Variants in GPD2 observed in about 807,000 individuals in gnomAD.
GPD2 encodes glycerol-3-phosphate dehydrogenase 2, also known as glycerol-3-phosphate dehydrogenase, mitochondrial.
In GPD2, 54 loss-of-function variants were observed where a neutral mutation model predicts 82.4. That is an observed-to-expected ratio of 0.66 (90% CI 0.53 to 0.82). The LOEUF (loss-of-function observed/expected upper bound fraction) is 0.82. Ranked by LOEUF, GPD2 falls within the 40% of genes least tolerant of loss-of-function variation. The probability of loss-of-function intolerance (pLI) is 0.00; values close to 1 mark genes in which losing one functional copy is unlikely to be tolerated. For missense variants in GPD2, 748 were observed against 896.2 expected (o/e 0.83, Z 2.11); for synonymous variants, 288 against 306.1 (o/e 0.94, Z 0.62).
chr2:156,451,219 C>T (rs1162648926), intron 1 of GPD2, among the ~76,000 whole-genome samples: 3 of 152,086 alleles, frequency 2.0e-5, no homozygotes, highest in Non-Finnish European at 4.4e-5. Flanking sequence ...AGAGGGGCTC[C>T]TCACCTCCCA....
intron 1 of GPD2, among the ~76,000 whole-genome samples, chr2:156,450,626 A>C (rs930000822): frequency 2.6e-5 from 4 of 151,200 alleles, no homozygotes. Flanking sequence ...AGTTTATTGG[A>C]TTAAATTGTG....
chr2:156,432,177 C>T (rs551534822), upstream of GPD2, among the ~76,000 whole-genome samples: 1 of 152,150 alleles, frequency 6.6e-6, no homozygotes, highest in African/African-American at 2.4e-5. Context: ...CATGAGCCAA[C>T]GTGCCCGGCC....
rs1481940167 is a variant in GPD2 at position 156,450,889 on chromosome 2, C to T, written c.-9+14376C>T. On this transcript the variant is annotated intron_variant, in intron 1 of 16. Coordinates refer to ENST00000438166, the MANE Select transcript of GPD2 (RefSeq NM_000408.5). ...TCTTAACGAGCATGCTGCCTTCAAG[C>T]ATCTGTTTAACAAAGCACATCTTGC... Among the ~76,000 whole-genome samples, 4 of 130,660 alleles carry T rather than the reference C, an allele frequency of 3.1e-5. No homozygotes were observed. The East Asian group carries it at 8.5e-4, about 28-fold the overall frequency. The allele number at this position is 130,660 out of a possible 152,430, so 85.7% of individuals were successfully genotyped here.
the GPD2 span, among the ~76,000 whole-genome samples, chr2:156,409,017 G>A: frequency 2.6e-5 from 4 of 152,106 alleles, no homozygotes; most frequent in South Asian, 6.2e-4. Flanking sequence ...AGAGAGACAC[G>A]CATACCATCT....
At chr2:156,495,940 C>T in intron 2 of GPD2, 104 bp from the exon 3 acceptor site, 1 of 842,168 alleles carries the variant, frequency 1.2e-6, no homozygotes, top group Non-Finnish European at 2.0e-6. Context: ...CTCTTTAGCT[C>T]TTATATTCCT....
chr2:156,573,671 G>A (rs919841193), intron 13 of GPD2, among the ~76,000 whole-genome samples: 11 of 152,244 alleles, frequency 7.2e-5, no homozygotes, highest in Admixed American at 5.9e-4. Flanking sequence ...ACAGATTTAT[G>A]TGCTCAGAAA....
Position 156,585,634 on chromosome 2 carries a change from TTGTC to T in GPD2, c.*2720_*2723del, listed in dbSNP as rs1449006488. 1 of 152,468 alleles carries T rather than the reference TTGTC, an allele frequency of 6.6e-6. No homozygotes were observed. The highest frequency in any genetic ancestry group is 2.4e-5 in the African/African-American group (1 of 41,426). The allele number at this position is 152,468 out of a possible 1,614,324, so 9.4% of individuals were successfully genotyped here. A position where few individuals can be genotyped will look rare whatever the true frequency, so the allele number is the denominator to read the frequency against. On this transcript the variant is annotated 3_prime_UTR_variant, in exon 17 of 17. Transcript: ENST00000438166. ...TCCTGCTTCAGTTTCTGGCTTTGCT[TTGTC>T]TGTTTCAAAATATGTAGCTTCCTCT...
intron 2 of GPD2, among the ~76,000 whole-genome samples, chr2:156,493,399 A>G (rs374685870): frequency 1.3e-5 from 2 of 152,108 alleles, no homozygotes; most frequent in South Asian, 4.1e-4. Context: ...GTCTATCGGG[A>G]ATTTTTAGGA....
intron 2 of GPD2, among the ~76,000 whole-genome samples, chr2:156,486,621 T>A (rs1558922598): frequency 6.6e-6 from 1 of 152,234 alleles, no homozygotes; most frequent in Non-Finnish European, 1.5e-5. Flanking sequence ...ATTATGTTTA[T>A]GCTAGGAAAG....
In GPD2 at chr2:156,489,247, T is replaced by G. The variant is rs540304589; in HGVS notation, c.103-6797T>G. Among the ~76,000 whole-genome samples, 6 of 152,350 alleles carry G rather than the reference T, an allele frequency of 3.9e-5. No individual in the cohort carries two copies. In the East Asian group the frequency reaches 1.2e-3, roughly 29 times the overall value. ...TCAGTTTTAGCAGATTTATCTCAGA[T>G]AGAAATTCTGATTTAGATGTGAAAT... On this transcript the variant is annotated intron_variant, in intron 2 of 16. Transcript: ENST00000438166.
intron 1 of GPD2, among the ~76,000 whole-genome samples, chr2:156,455,642 T>G (rs1361761867): frequency 6.6e-6 from 1 of 152,192 alleles, no homozygotes; most frequent in East Asian, 1.9e-4. Flanking sequence ...ATAATACACC[T>G]TCACTGTTAA....
At chr2:156,504,854 T>C (rs1036980257) in intron 3 of GPD2, among the ~76,000 whole-genome samples, 3 of 152,120 alleles carry the variant, frequency 2.0e-5, no homozygotes, top group African/African-American at 7.2e-5. Flanking sequence ...TTTACAAAAA[T>C]GTACATATGT....
At chr2:156,408,031 T>A in the GPD2 span, among the ~76,000 whole-genome samples, 1 of 146,952 alleles carries the variant, frequency 6.8e-6, no homozygotes, top group East Asian at 2.1e-4. Flanking sequence ...CACGGCTCAC[T>A]GTTGCCTTGA....
chr2:156,422,167 A>G, the GPD2 span, among the ~76,000 whole-genome samples: 1 of 152,210 alleles, frequency 6.6e-6, no homozygotes, highest in East Asian at 1.9e-4. Context: ...CTTAAAGGAT[A>G]TATCCTTAAG....
At chr2:156,518,149 T>C (rs1345629533) in intron 6 of GPD2, among the ~76,000 whole-genome samples, 1 of 152,178 alleles carries the variant, frequency 6.6e-6, no homozygotes, top group Non-Finnish European at 1.5e-5. Context: ...TATTCCAACC[T>C]AAAATTCACA....
At chr2:156,528,587 C>T (rs896656293) in intron 6 of GPD2, among the ~76,000 whole-genome samples, 4 of 109,680 alleles carry the variant, frequency 3.6e-5, no homozygotes, top group Admixed American at 1.1e-4. Context: ...ATCCCTCCCC[C>T]CTCCCCCCAC....
chr2:156,487,998 A>G (rs879562421), intron 2 of GPD2, among the ~76,000 whole-genome samples: 1 of 152,188 alleles, frequency 6.6e-6, no homozygotes, highest in African/African-American at 2.4e-5. Context: ...TGATTTCTCA[A>G]AGGAATCACA....
the GPD2 span, among the ~76,000 whole-genome samples, chr2:156,408,889 T>C: frequency 6.6e-6 from 1 of 152,050 alleles, no homozygotes; most frequent in Non-Finnish European, 1.5e-5. Context: ...TCCTAACCCC[T>C]CGAAATATGA....
At chr2:156,549,487 C>T (rs1357314225) in intron 6 of GPD2, 121 bp from the exon 7 acceptor site, 1 of 882,678 alleles carries the variant, frequency 1.1e-6, no homozygotes, top group Non-Finnish European at 1.9e-6. Context: ...GCTGCCCAGC[C>T]ATCATGCATA....
Sources: gnomAD v4.1 joint callset for allele counts (sites outside exome capture counted in the v4.1 genomes callset) on GRCh38, gnomAD v4.1.1 for gene constraint, MANE v1.5 for transcripts, NCBI Gene and HGNC (gene_info 2026-07-23, HGNC 2026-07-21) for gene names.